ALDH7A1: variants seen among roughly 807,000 people sequenced by gnomAD.
ALDH7A1 encodes the protein alpha-aminoadipic semialdehyde dehydrogenase.
In ALDH7A1, 63 loss-of-function variants were observed where a neutral mutation model predicts 79.9. The observed-to-expected ratio is 0.79, with a 90% confidence interval of 0.64 to 0.97. ALDH7A1 has a LOEUF of 0.97. Ranked by LOEUF, ALDH7A1 falls within the 50% of genes least tolerant of loss-of-function variation. The pLI, the probability that ALDH7A1 is intolerant of heterozygous loss-of-function variation, is 0.00. For missense variants in ALDH7A1, 627 were observed against 665.2 expected (o/e 0.94, Z 0.63); for synonymous variants, 240 against 231.2 (o/e 1.04, Z -0.34).
intron 9 of ALDH7A1, chr5:126,564,648 C>A: frequency 2.2e-6 from 2 of 929,924 alleles, no homozygotes; most frequent in Non-Finnish European, 2.9e-6. Flanking sequence ...CTGTTACTAC[C>A]AAAAGCCACC....
intron 13 of ALDH7A1, among the ~76,000 whole-genome samples, chr5:126,552,477 C>T (rs545883153): frequency 1.3e-5 from 2 of 152,158 alleles, no homozygotes; most frequent in Non-Finnish European, 2.9e-5. Context: ...ACTGCAACCT[C>T]CGTCTCCCGG....
At position 126,543,219 on chromosome 5, in the gene ALDH7A1, A is replaced by C. The variant is rs931221053; in HGVS notation, c.*1746T>G. ...CTGCTAAATCAGCAAAAAAGAACAA[A>C]GAGGAACAAATTGAAGGCATATGTT... is the stretch of plus-strand genomic sequence containing the variant. On this transcript the variant is annotated 3_prime_UTR_variant, in exon 18 of 18. Transcript: ENST00000409134. 1.3e-5 allele frequency: 2 copies of C among 151,964 alleles called. No homozygotes were observed. Among genetic ancestry groups the C allele is most frequent in the Non-Finnish European group, 2.9e-5 (2 of 68,012 alleles). The allele number at this position is 151,964 out of a possible 1,614,324, so 9.4% of individuals were successfully genotyped here.
At chr5:126,579,288 T>G (rs985186851) in intron 5 of ALDH7A1, among the ~76,000 whole-genome samples, 2 of 152,172 alleles carry the variant, frequency 1.3e-5, no homozygotes, top group African/African-American at 4.8e-5. Flanking sequence ...CTTCCAGCAC[T>G]CCACTCCTTC....
chr5:126,593,529 T>C, intron 1 of ALDH7A1, 125 bp from the exon 2 acceptor site: 1 of 1,359,610 alleles, frequency 7.4e-7, no homozygotes, highest in South Asian at 1.2e-5. Context: ...TCAAAAAGCT[T>C]AGGTTAACTT....
rs977039138 is a variant in ALDH7A1, at chr5:126,554,397, G to A, written c.1094-4C>T. On this transcript the variant is annotated splice_region_variant and splice_polypyrimidine_tract_variant and intron_variant, in intron 12 of 17. Coordinates refer to ENST00000409134, the MANE Select transcript of ALDH7A1 (RefSeq NM_001182.5). ...AGTGGCCCATAGAGAACATTAGCTG[G>A]AGAGAGAAAAGGAAGGCTGGCTCAT... 2 of 1,613,402 alleles carry A rather than the reference G, an allele frequency of 1.2e-6. No individual in the cohort carries two copies. The highest frequency in any genetic ancestry group is 2.7e-5 in the African/African-American group (2 of 74,906).
rs1581347086 is a variant in ALDH7A1, at chr5:126,542,142, T to A, written c.*2823A>T. 1 of 115,204 alleles carries A rather than the reference T, an allele frequency of 8.7e-6. No homozygotes were observed. 7.1% of individuals were successfully genotyped at this position (115,204 alleles called of 1,614,324 possible). On this transcript the variant is annotated 3_prime_UTR_variant, in exon 18 of 18. Transcript: ENST00000409134. Reference sequence around the variant, plus strand: ...AAGCTTCTGCAGGATAAGCTCCAGGTGTAGAAAAAAAAAAAAAAAAAAAAG... The same window carrying A: ...AAGCTTCTGCAGGATAAGCTCCAGGAGTAGAAAAAAAAAAAAAAAAAAAAG...
chr5:126,559,226 G>GC lies in ALDH7A1; in HGVS notation c.1008+13dup. 6.2e-7 allele frequency: 1 copy of GC among 1,609,250 alleles called. No homozygotes were observed. The highest frequency in any genetic ancestry group is 8.5e-7 in the Non-Finnish European group (1 of 1,175,890). ...TTAAGAGCAAGACAATCGGGCCTATGCAGATATACTCACCAGTCGCCTCGC... is the reference window on the plus strand; with the variant it reads ...TTAAGAGCAAGACAATCGGGCCTATGCCAGATATACTCACCAGTCGCCTCGC... On this transcript the variant is annotated intron_variant, in intron 11 of 17. Coordinates refer to ENST00000409134, the MANE Select transcript of ALDH7A1 (RefSeq NM_001182.5).
rs1252781910 is a variant in ALDH7A1, at chr5:126,554,267, G to A, written c.1200+20C>T. On this transcript the variant is annotated intron_variant, in intron 13 of 17. Coordinates refer to ENST00000409134, the MANE Select transcript of ALDH7A1 (RefSeq NM_001182.5). ...AGAAGGTTAAAAAGCTGTCACAATT[G>A]ATCTCAGAGCATCCCTTACCTTGCC... The A allele has an allele frequency of 6.2e-7, 1 of 1,603,750 alleles. No homozygotes were observed. Among genetic ancestry groups the A allele is most frequent in the African/African-American group, 1.3e-5 (1 of 74,678 alleles).
At chr5:126,550,722 A>T (rs1749966991) in intron 14 of ALDH7A1, among the ~76,000 whole-genome samples, 1 of 152,210 alleles carries the variant, frequency 6.6e-6, no homozygotes, top group Admixed American at 6.5e-5. Flanking sequence ...ACAGCCTCAT[A>T]ATGTACACAA....
chr5:126,570,967 C>A (rs1750750023), intron 7 of ALDH7A1, 108 bp from the exon 8 acceptor site: 8 of 1,040,816 alleles, frequency 7.7e-6, no homozygotes, highest in Non-Finnish European at 1.2e-5. Context: ...TCTCTCCCAT[C>A]CCTCAAATAT....
intron 3 of ALDH7A1, among the ~76,000 whole-genome samples, chr5:126,585,707 GC>G (rs976054408): frequency 2.6e-5 from 4 of 151,974 alleles, no homozygotes; most frequent in African/African-American, 9.7e-5. Context: ...CATTACAGGC[GC>G]CTGCCACCAC....
intron 3 of ALDH7A1, chr5:126,592,142 C>G (rs1450313486): frequency 6.3e-6 from 1 of 157,984 alleles, no homozygotes; most frequent in Non-Finnish European, 1.4e-5. Flanking sequence ...GTTGGCCAGG[C>G]TGGTCTCGAA....
At chr5:126,550,129 GTTTT>G in intron 15 of ALDH7A1, 63 bp downstream of exon 15, 1 of 1,552,332 alleles carries the variant, frequency 6.4e-7, no homozygotes, top group East Asian at 2.2e-5. Flanking sequence ...GACTACAGCA[GTTTT>G]TTTAAGTCCA....
chr5:126,576,784 G>A (rs906600920), intron 6 of ALDH7A1, among the ~76,000 whole-genome samples: 4 of 152,078 alleles, frequency 2.6e-5, no homozygotes, highest in African/African-American at 9.7e-5. Flanking sequence ...AAAATGAGCC[G>A]GGCATGGTTG....
Position 126,547,647 on chromosome 5 carries a change from A to T in ALDH7A1, c.1490-1248T>A, listed in dbSNP as rs183679714. ...GCTCCTGGACAGAAACCTCTATCAT[A>T]ATAGAGGGTCAATACATAATGTCTA... On this transcript the variant is annotated intron_variant, in intron 16 of 17. Coordinates refer to ENST00000409134, the MANE Select transcript of ALDH7A1 (RefSeq NM_001182.5). Among the ~76,000 whole-genome samples, 97 of 152,322 alleles carry T rather than the reference A, an allele frequency of 6.4e-4. 1 individual carries two copies. Among genetic ancestry groups the T allele is most frequent in the African/African-American group, 2.3e-3 (94 of 41,576 alleles).
chr5:126,576,140 G>A (rs1296812197), intron 6 of ALDH7A1, among the ~76,000 whole-genome samples: 1 of 151,868 alleles, frequency 6.6e-6, no homozygotes, highest in African/African-American at 2.4e-5. Context: ...GCAGACGCCT[G>A]TAGTCCCAGC....
chr5:126,578,927 T>C (rs1416005571), intron 5 of ALDH7A1, among the ~76,000 whole-genome samples: 1 of 152,112 alleles, frequency 6.6e-6, no homozygotes. Context: ...ACCTCACTCC[T>C]GGGCCCTCCT....
chr5:126,556,384 A>G (rs1401145310), intron 11 of ALDH7A1, among the ~76,000 whole-genome samples: 1 of 151,802 alleles, frequency 6.6e-6, no homozygotes, highest in African/African-American at 2.4e-5. Flanking sequence ...CTGGAATTAC[A>G]GGCACCCACC....
At chr5:126,571,316 A>G (rs1472427816) in intron 7 of ALDH7A1, among the ~76,000 whole-genome samples, 2 of 151,698 alleles carry the variant, frequency 1.3e-5, no homozygotes, top group Non-Finnish European at 2.9e-5. Flanking sequence ...CATCTCTACT[A>G]AAAATATAAA....
Sources: allele counts gnomAD v4.1 joint callset (sites outside exome capture counted in the v4.1 genomes callset), GRCh38; gene constraint gnomAD v4.1.1; transcripts MANE v1.5; gene names NCBI Gene and HGNC (gene_info 2026-07-23, HGNC 2026-07-21).